AGBL4: variants seen among roughly 807,000 people sequenced by gnomAD.
AGBL4 encodes the protein cytosolic carboxypeptidase 6.
AGBL4 carries 58 observed loss-of-function variants against 66.4 expected under a neutral mutation model. That is an observed-to-expected ratio of 0.87 (90% CI 0.71 to 1.09). The LOEUF (loss-of-function observed/expected upper bound fraction) is 1.09. AGBL4 is among the 50% of genes least tolerant of loss of function. AGBL4 has a pLI of 0.00. For missense variants in AGBL4, 579 were observed against 631.0 expected (o/e 0.92, Z 0.88); for synonymous variants, 234 against 222.9 (o/e 1.05, Z -0.44).
chr1:49,093,037 C>T (rs1421956281), intron 4 of AGBL4, among the ~76,000 whole-genome samples: 1 of 152,042 alleles, frequency 6.6e-6, no homozygotes. Context: ...TCCTGGAGAG[C>T]CTAGATGGAA....
chr1:49,150,609 C>A (rs1228426418), intron 4 of AGBL4, among the ~76,000 whole-genome samples: 1 of 152,192 alleles, frequency 6.6e-6, no homozygotes, highest in African/African-American at 2.4e-5. Context: ...TTTCTTTCAA[C>A]ATGCCTCTCT....
chr1:49,823,085 C>A (rs1301222855), intron 2 of AGBL4, among the ~76,000 whole-genome samples: 1 of 152,170 alleles, frequency 6.6e-6, no homozygotes, highest in Non-Finnish European at 1.5e-5. Context: ...GTCTAGAACC[C>A]TGAATCATCA....
At chr1:49,194,792 G>A (rs1317395146) in intron 4 of AGBL4, among the ~76,000 whole-genome samples, 3 of 150,852 alleles carry the variant, frequency 2.0e-5, no homozygotes, top group Non-Finnish European at 4.4e-5. Flanking sequence ...TGTAGGTTTT[G>A]TAAAGGAGTA....
At chr1:48,997,258 G>A (rs555389441) in intron 5 of AGBL4, among the ~76,000 whole-genome samples, 1 of 152,132 alleles carries the variant, frequency 6.6e-6, no homozygotes, top group African/African-American at 2.4e-5. Flanking sequence ...GAAGAGATAG[G>A]GATAATTTTA....
chr1:50,014,728 T>C (rs1453140266), intron 1 of AGBL4, among the ~76,000 whole-genome samples: 1 of 151,920 alleles, frequency 6.6e-6, no homozygotes, highest in African/African-American at 2.4e-5. Context: ...ATTCACCACG[T>C]TGGCCAGGCT....
intron 9 of AGBL4, among the ~76,000 whole-genome samples, chr1:48,605,512 T>G (rs1645141522): frequency 1.3e-5 from 2 of 152,344 alleles, no homozygotes; most frequent in Admixed American, 1.3e-4. Context: ...CTACGCCATG[T>G]CCTTCTTCAC....
At chr1:49,141,069 G>A (rs1027718530) in intron 4 of AGBL4, among the ~76,000 whole-genome samples, 6 of 152,108 alleles carry the variant, frequency 3.9e-5, no homozygotes, top group Non-Finnish European at 7.4e-5. Flanking sequence ...CAACAGGAAT[G>A]AGCAGGAACA....
At chr1:48,716,616 T>A (rs1026350721) in intron 6 of AGBL4, among the ~76,000 whole-genome samples, 3 of 152,278 alleles carry the variant, frequency 2.0e-5, no homozygotes, top group Non-Finnish European at 2.9e-5. Flanking sequence ...ACAGGCTTCT[T>A]CTCGACATTT....
intron 2 of AGBL4, among the ~76,000 whole-genome samples, chr1:49,726,764 A>G (rs1571415014): frequency 6.6e-6 from 1 of 152,178 alleles, no homozygotes; most frequent in Non-Finnish European, 1.5e-5. Flanking sequence ...AATGTTGCTT[A>G]TATTTTCTCC....
At chr1:49,514,063 T>A (rs1649527172) in intron 3 of AGBL4, among the ~76,000 whole-genome samples, 1 of 152,002 alleles carries the variant, frequency 6.6e-6, no homozygotes, top group African/African-American at 2.4e-5. Context: ...TTTTGTACAT[T>A]GATTTTGTAT....
At chr1:49,874,642 A>C (rs969681448) in intron 1 of AGBL4, among the ~76,000 whole-genome samples, 1 of 152,120 alleles carries the variant, frequency 6.6e-6, no homozygotes, top group East Asian at 1.9e-4. Context: ...AAATGCTCTT[A>C]ATCATCTTAG....
intron 3 of AGBL4, among the ~76,000 whole-genome samples, chr1:49,278,346 T>A (rs1186011681): frequency 2.0e-5 from 3 of 152,192 alleles, no homozygotes; most frequent in Non-Finnish European, 4.4e-5. Flanking sequence ...TATTTTTTTA[T>A]TAAAAGCTTT....
chr1:50,018,653 T>C (rs1354376475), intron 1 of AGBL4, among the ~76,000 whole-genome samples: 1 of 152,116 alleles, frequency 6.6e-6, no homozygotes, highest in African/African-American at 2.4e-5. Context: ...AGATCTTTAG[T>C]AGCTTTCATT....
At chr1:49,450,958 G>A (rs935246620) in intron 3 of AGBL4, among the ~76,000 whole-genome samples, 2 of 151,928 alleles carry the variant, frequency 1.3e-5, no homozygotes, top group Non-Finnish European at 1.5e-5. Flanking sequence ...TCAGAAATTC[G>A]GCATGATATG....
chr1:48,756,569 G>A (rs986488941), intron 6 of AGBL4, among the ~76,000 whole-genome samples: 4 of 152,330 alleles, frequency 2.6e-5, no homozygotes, highest in Admixed American at 6.5e-5. Flanking sequence ...AGGAAAGAAG[G>A]ACATGAGCTT....
chr1:49,702,189 T>TA (rs1382296036), intron 2 of AGBL4, among the ~76,000 whole-genome samples: 1 of 152,120 alleles, frequency 6.6e-6, no homozygotes, highest in African/African-American at 2.4e-5. Context: ...TAAAACTTGT[T>TA]AAAAAATTAA....
intron 9 of AGBL4, among the ~76,000 whole-genome samples, chr1:48,610,454 G>A (rs320019): frequency 0.27 from 41,672 of 152,042 alleles, 5,843 homozygotes; most frequent in South Asian, 0.36. Context: ...TAGGGCAGTG[G>A]GTGCATCCCT....
intron 4 of AGBL4, among the ~76,000 whole-genome samples, chr1:49,052,356 C>T (rs1644233861): frequency 6.6e-6 from 1 of 152,114 alleles, no homozygotes; most frequent in Non-Finnish European, 1.5e-5. Context: ...ATCACATACT[C>T]TATCTTCTCC....
rs191756788 is a variant in AGBL4 at position 49,213,539 on chromosome 1, T to G, written c.377+32231A>C. Among the ~76,000 whole-genome samples the G allele has an allele frequency of 3.3e-5, 5 of 152,186 alleles. No individual in the cohort carries two copies. The East Asian group carries it at 9.7e-4, about 29-fold the overall frequency. ...TATTTCCGCCATGTGAGACGCTTGC[T>G]CCTCATTTGCCTACTGCCATGATTA... On this transcript the variant is annotated intron_variant, in intron 4 of 13. Coordinates refer to ENST00000371839, the MANE Select transcript of AGBL4 (RefSeq NM_032785.4).
Sources: gnomAD v4.1 joint callset for allele counts (sites outside exome capture counted in the v4.1 genomes callset) on GRCh38, gnomAD v4.1.1 for gene constraint, MANE v1.5 for transcripts, NCBI Gene and HGNC (gene_info 2026-07-23, HGNC 2026-07-21) for gene names.